The following CDH20 variants were observed in gnomAD, a reference collection of about 807,000 sequenced individuals.
The protein encoded by CDH20 is cadherin 20, also known as cadherin-20.
Under a neutral mutation model 74.2 loss-of-function variants are expected in CDH20, and 29 were observed. The ratio of observed to expected loss-of-function variants is 0.39; its 90% CI spans 0.29 to 0.53. CDH20 has a LOEUF of 0.53. CDH20 is among the 20% of genes least tolerant of loss of function. The pLI is 0.69. For synonymous variants in CDH20, 469 were observed against 405.4 expected (o/e 1.16, Z -1.88); for missense variants, 988 against 1,048.3 (o/e 0.94, Z 0.79).
At chr18:61,364,098 A>C (rs1360379066) in intron 1 of CDH20, among the ~76,000 whole-genome samples, 3 of 152,084 alleles carry the variant, frequency 2.0e-5, no homozygotes, top group Non-Finnish European at 4.4e-5. Flanking sequence ...AACTCCCTGG[A>C]TTATATGTGT....
At chr18:61,361,217 C>T (rs1010408344) in intron 1 of CDH20, among the ~76,000 whole-genome samples, 1 of 152,140 alleles carries the variant, frequency 6.6e-6, no homozygotes, top group African/African-American at 2.4e-5. Context: ...GGTAACAGAG[C>T]TAGGGGGAAG....
chr18:61,366,983 C>T (rs979819314), intron 1 of CDH20, among the ~76,000 whole-genome samples: 2 of 152,038 alleles, frequency 1.3e-5, no homozygotes, highest in Non-Finnish European at 2.9e-5. Context: ...TTCTTATGTC[C>T]ATCTGTGGTA....
At chr18:61,450,444 C>T (rs565335890) in intron 1 of CDH20, among the ~76,000 whole-genome samples, 10 of 151,316 alleles carry the variant, frequency 6.6e-5, no homozygotes, top group Non-Finnish European at 1.3e-4. Flanking sequence ...AAAGAGATAC[C>T]CAACTAAAGG....
intron 8 of CDH20, among the ~76,000 whole-genome samples, 165 bp from the exon 9 acceptor site, chr18:61,538,859 C>T (rs528001576): frequency 6.6e-6 from 1 of 152,000 alleles, no homozygotes. Context: ...GTCTCGATCT[C>T]CTGACATCGT....
At chr18:61,509,478 C>T (rs79055282) in intron 6 of CDH20, among the ~76,000 whole-genome samples, 10,715 of 152,222 alleles carry the variant, frequency 0.07, 547 homozygotes, top group East Asian at 0.16. Context: ...GGGACCATGC[C>T]TGTTGTATTT....
chr18:61,401,708 C>T (rs1484919263), intron 1 of CDH20, among the ~76,000 whole-genome samples: 2 of 152,140 alleles, frequency 1.3e-5, no homozygotes, highest in Non-Finnish European at 2.9e-5. Context: ...CCTACAAATG[C>T]CTTTCACAAC....
intron 11 of CDH20, among the ~76,000 whole-genome samples, chr18:61,553,756 CATA>C (rs1333395770): frequency 1.3e-5 from 2 of 152,186 alleles, no homozygotes; most frequent in Admixed American, 6.5e-5. Flanking sequence ...ATTCCACCTA[CATA>C]ATAAGACTTT....
intron 1 of CDH20, among the ~76,000 whole-genome samples, chr18:61,478,759 C>T (rs756690749): frequency 9.2e-5 from 14 of 152,108 alleles, no homozygotes; most frequent in Middle Eastern, 3.4e-3. Context: ...GCTTAGTAAA[C>T]GGGAAAGTGG....
intron 1 of CDH20, among the ~76,000 whole-genome samples, chr18:61,365,367 T>C (rs1023308980): frequency 1.3e-5 from 2 of 152,216 alleles, no homozygotes; most frequent in African/African-American, 2.4e-5. Context: ...TATTAAATGG[T>C]CCCAGATGCT....
At chr18:61,526,606 A>T (rs1233669229) in intron 6 of CDH20, among the ~76,000 whole-genome samples, 2 of 152,222 alleles carry the variant, frequency 1.3e-5, no homozygotes, top group Non-Finnish European at 2.9e-5. Flanking sequence ...TAAAACACAC[A>T]TGTTCATCAG....
Position 61,402,271 on chromosome 18 carries a change from T to G in CDH20, c.-153+68444T>G, listed in dbSNP as rs562428619. Among the ~76,000 whole-genome samples the G allele has an allele frequency of 6.6e-5, 10 of 152,288 alleles. 1 individual carries two copies. The South Asian group carries it at 2.1e-3, about 32-fold the overall frequency. The stretch of plus-strand genomic sequence containing the variant: ...TGCCTTTGGGGATCCAGTAGGATTC[T>G]CATGCCAGAGGAAGGCTCATTCTTC... On this transcript the variant is annotated intron_variant, in intron 1 of 11. Coordinates refer to ENST00000262717, the MANE Select transcript of CDH20 (RefSeq NM_031891.4).
At chr18:61,428,285 T>G (rs1913140114) in intron 1 of CDH20, among the ~76,000 whole-genome samples, 1 of 152,160 alleles carries the variant, frequency 6.6e-6, no homozygotes, top group African/African-American at 2.4e-5. Context: ...TTTTTACCCA[T>G]GCTACAGCAC....
At chr18:61,533,698 A>C (rs1912727297) in intron 7 of CDH20, among the ~76,000 whole-genome samples, 1 of 152,192 alleles carries the variant, frequency 6.6e-6, no homozygotes, top group Non-Finnish European at 1.5e-5. Context: ...CATTGCCCAG[A>C]CCAACATTGT....
At chr18:61,432,090 CA>C (rs1030933036) in intron 1 of CDH20, among the ~76,000 whole-genome samples, 3 of 150,988 alleles carry the variant, frequency 2.0e-5, no homozygotes, top group Admixed American at 6.6e-5. Context: ...ACTAAAAATA[CA>C]AAAAAAATTA....
intron 1 of CDH20, among the ~76,000 whole-genome samples, chr18:61,403,003 G>T (rs1325086289): frequency 1.3e-5 from 2 of 152,106 alleles, no homozygotes; most frequent in Non-Finnish European, 2.9e-5. Flanking sequence ...CCTTCTCAGG[G>T]TTAATCAGAC....
At chr18:61,432,336 C>T (rs1210397285) in intron 1 of CDH20, among the ~76,000 whole-genome samples, 3 of 151,614 alleles carry the variant, frequency 2.0e-5, no homozygotes, top group Non-Finnish European at 4.4e-5. Flanking sequence ...TTCGTCTGTT[C>T]TCCCACACAT....
chr18:61,503,835 C>T (rs1911470551), intron 5 of CDH20, among the ~76,000 whole-genome samples: 1 of 152,162 alleles, frequency 6.6e-6, no homozygotes, highest in Non-Finnish European at 1.5e-5. Context: ...GATGAGATTT[C>T]AACAGGGGGC....
intron 6 of CDH20, among the ~76,000 whole-genome samples, chr18:61,515,156 C>T (rs984865609): frequency 2.0e-5 from 3 of 152,092 alleles, no homozygotes; most frequent in African/African-American, 7.2e-5. Flanking sequence ...AGCGAGACTC[C>T]GTGGGCCTAG....
chr18:61,430,724 T>G (rs924233677), intron 1 of CDH20, among the ~76,000 whole-genome samples: 2 of 152,230 alleles, frequency 1.3e-5, no homozygotes, highest in Non-Finnish European at 2.9e-5. Flanking sequence ...TTGTTCAAAT[T>G]GTTCCAGCTT....
Sources: gnomAD v4.1 joint callset for allele counts (sites outside exome capture counted in the v4.1 genomes callset) on GRCh38, gnomAD v4.1.1 for gene constraint, MANE v1.5 for transcripts, NCBI Gene and HGNC (gene_info 2026-07-23, HGNC 2026-07-21) for gene names.